Variants in TENM3 observed in about 807,000 individuals in gnomAD.
The protein encoded by TENM3 is teneurin transmembrane protein 3.
A neutral mutation model predicts 255.1 loss-of-function variants in TENM3; 63 were observed. The observed-to-expected ratio is 0.25, with a 90% CI of 0.20 to 0.30. TENM3 has a LOEUF of 0.30. Ranked by LOEUF, TENM3 falls within the 10% of genes least tolerant of loss-of-function variation. The pLI is 1.00. For missense variants in TENM3, 2,929 were observed against 3,461.1 expected (o/e 0.85, Z 3.86); for synonymous variants, 1,306 against 1,322.3 (o/e 0.99, Z 0.27).
the TENM3 span, among the ~76,000 whole-genome samples, chr4:181,802,229 T>C: frequency 6.6e-6 from 1 of 152,224 alleles, no homozygotes. Flanking sequence ...ATTATGGCTA[T>C]TGTGTTCCTG....
chr4:181,933,048 A>G, the TENM3 span, among the ~76,000 whole-genome samples: 639 of 152,252 alleles, frequency 4.2e-3, 18 homozygotes, highest in South Asian at 0.059. Context: ...TAGCATTAGG[A>G]GAAATAGCTA....
the TENM3 span, among the ~76,000 whole-genome samples, chr4:181,631,520 G>A: frequency 6.6e-6 from 1 of 152,004 alleles, no homozygotes; most frequent in Non-Finnish European, 1.5e-5. Context: ...TTGAACTCCT[G>A]ACCTCATGAT....
intron 24 of TENM3, among the ~76,000 whole-genome samples, chr4:182,779,964 C>T (rs1765033277): frequency 6.6e-6 from 1 of 150,774 alleles, no homozygotes; most frequent in Non-Finnish European, 1.5e-5. Context: ...AGCCCTTTGT[C>T]AGATGAGTAG....
At chr4:182,387,322 G>A (rs1322816829) in intron 3 of TENM3, among the ~76,000 whole-genome samples, 2 of 152,174 alleles carry the variant, frequency 1.3e-5, no homozygotes, top group Non-Finnish European at 2.9e-5. Context: ...GAGAACCTGT[G>A]TGTCCTTGGA....
chr4:181,879,214 T>C, the TENM3 span, among the ~76,000 whole-genome samples: 1 of 152,064 alleles, frequency 6.6e-6, no homozygotes, highest in Admixed American at 6.6e-5. Context: ...AAGAATAATA[T>C]TCCATACAAT....
the TENM3 span, among the ~76,000 whole-genome samples, chr4:181,617,186 A>G: frequency 6.6e-6 from 1 of 152,320 alleles, no homozygotes; most frequent in South Asian, 2.1e-4. Flanking sequence ...ATTTAGAGAA[A>G]TTTATTCATC....
At chr4:182,217,143 C>T (rs1400128307) in intron 1 of TENM3, among the ~76,000 whole-genome samples, 1 of 150,372 alleles carries the variant, frequency 6.7e-6, no homozygotes, top group African/African-American at 2.4e-5. Context: ...GCCTCAGCCT[C>T]CCGAGCAGCT....
chr4:182,482,316 T>G (rs769252702), intron 3 of TENM3, among the ~76,000 whole-genome samples: 1 of 152,172 alleles, frequency 6.6e-6, no homozygotes, highest in Admixed American at 6.5e-5. Context: ...AAAGTAAACC[T>G]AGTTATTAAT....
At chr4:182,601,779 A>C (rs1185790519) in intron 4 of TENM3, among the ~76,000 whole-genome samples, 1 of 152,190 alleles carries the variant, frequency 6.6e-6, no homozygotes, top group Non-Finnish European at 1.5e-5. Flanking sequence ...CAATGAACTG[A>C]AATCTCCATC....
chr4:182,306,968 A>C (rs1216375951), intron 1 of TENM3, among the ~76,000 whole-genome samples: 1 of 152,240 alleles, frequency 6.6e-6, no homozygotes, highest in African/African-American at 2.4e-5. Flanking sequence ...ATGACCCCAA[A>C]GTCTCATTTA....
chr4:182,390,529 A>G (rs1177744938), intron 3 of TENM3, among the ~76,000 whole-genome samples: 1 of 152,192 alleles, frequency 6.6e-6, no homozygotes, highest in Non-Finnish European at 1.5e-5. Flanking sequence ...TTTGCTAACA[A>G]GGTGCCCTGA....
chr4:182,588,049 G>T (rs1746224822), intron 3 of TENM3, among the ~76,000 whole-genome samples: 1 of 151,940 alleles, frequency 6.6e-6, no homozygotes, highest in South Asian at 2.1e-4. Context: ...ACTTAAGATG[G>T]TATGATATGG....
intron 3 of TENM3, among the ~76,000 whole-genome samples, chr4:182,557,349 G>A (rs781312870): frequency 2.0e-5 from 3 of 152,122 alleles, no homozygotes; most frequent in Non-Finnish European, 4.4e-5. Flanking sequence ...AGCTTCATTA[G>A]AATCGTAATT....
At chr4:182,429,488 A>T (rs1407236335) in intron 3 of TENM3, among the ~76,000 whole-genome samples, 1 of 152,234 alleles carries the variant, frequency 6.6e-6, no homozygotes, top group Admixed American at 6.5e-5. Flanking sequence ...ATTATTACTT[A>T]TATCACAGCT....
intron 2 of TENM3, among the ~76,000 whole-genome samples, chr4:182,337,729 A>G (rs1764232673): frequency 6.6e-6 from 1 of 152,204 alleles, no homozygotes; most frequent in Non-Finnish European, 1.5e-5. Context: ...TTTATTCATA[A>G]TAGGCCCATA....
the TENM3 span, among the ~76,000 whole-genome samples, chr4:181,783,491 T>A: frequency 6.6e-6 from 1 of 152,288 alleles, no homozygotes; most frequent in African/African-American, 2.4e-5. Context: ...AATGTTCACA[T>A]TATTTTTTCT....
chr4:182,527,186 G>A (rs1269699733), intron 3 of TENM3, among the ~76,000 whole-genome samples: 2 of 152,156 alleles, frequency 1.3e-5, no homozygotes, highest in Non-Finnish European at 2.9e-5. Flanking sequence ...TTAGGCAACA[G>A]CTTCTTAACA....
the TENM3 span, among the ~76,000 whole-genome samples, chr4:181,653,719 A>T: frequency 3.7e-3 from 457 of 122,018 alleles, 4 homozygotes; most frequent in African/African-American, 0.011. Flanking sequence ...TTTTTTTTTT[A>T]AATTATGGGA....
chr4:181,825,940 T>C, the TENM3 span, among the ~76,000 whole-genome samples: 40 of 152,290 alleles, frequency 2.6e-4, 1 homozygote, highest in African/African-American at 9.6e-4. Context: ...TGGGGGACTC[T>C]CCAGAGTATA....
Sources: gnomAD v4.1 joint callset for allele counts (sites outside exome capture counted in the v4.1 genomes callset) on GRCh38, gnomAD v4.1.1 for gene constraint, MANE v1.5 for transcripts, NCBI Gene and HGNC (gene_info 2026-07-23, HGNC 2026-07-21) for gene names.